Variants in RNASEH2B observed in about 807,000 individuals in gnomAD.
RNASEH2B encodes the protein Aicardi-Goutieres syndrome 2 protein.
A neutral mutation model predicts 45.0 loss-of-function variants in RNASEH2B; 36 were observed. The ratio of observed to expected loss-of-function variants is 0.80; its 90% CI spans 0.61 to 1.06. The LOEUF is 1.06. Among genes scored for constraint, RNASEH2B ranks in the 50% least tolerant of loss-of-function variants. RNASEH2B has a pLI of 0.00. For synonymous variants in RNASEH2B, 119 were observed against 125.7 expected, an observed-to-expected ratio of 0.95 and a Z score of 0.35; for missense variants, 361 against 360.3, an observed-to-expected ratio of 1.00 and a Z score of -0.02.
At chr13:50,968,184 G>A (rs182417645) in intron 9 of RNASEH2B, among the ~76,000 whole-genome samples, 36 of 152,198 alleles carry the variant, frequency 2.4e-4, no homozygotes, top group African/African-American at 8.7e-4. Context: ...GGGAAGCTGA[G>A]GCCAGAAGTT....
At chr13:50,929,112 C>T (rs376897488) in intron 2 of RNASEH2B, among the ~76,000 whole-genome samples, 1 of 152,144 alleles carries the variant, frequency 6.6e-6, no homozygotes, top group Admixed American at 6.5e-5. Flanking sequence ...TGCCCAGAGG[C>T]AGGGACCCAC....
chr13:50,949,463 G>A lies in RNASEH2B; in HGVS notation c.699G>A (p.Lys233=), dbSNP rs768783637. Residue 233 remains lysine, a splice_region_variant and synonymous_variant, in exon 9 of 11, where the codon AAG becomes AAA. Transcript: ENST00000336617. ...TGATTGTTATTTTTAACTTTCTTAG[G>A]CTTCCAGAACCTTCAGCCTCATTGC... The part of the protein sequence containing the change: ...ELSDDLSKYL[K]LPEPSASLPN... 4 of 1,613,136 alleles carry A rather than the reference G, an allele frequency of 2.5e-6. No homozygotes were observed. The highest frequency in any genetic ancestry group is 3.4e-6 in the Non-Finnish European group (4 of 1,179,406).
At chr13:50,936,772 T>A (rs1441792242) in intron 5 of RNASEH2B, 2 of 152,340 alleles carry the variant, frequency 1.3e-5, no homozygotes, top group East Asian at 3.9e-4. Context: ...AAATCCAGAT[T>A]TAGAAACAAT....
downstream of RNASEH2B, among the ~76,000 whole-genome samples, chr13:50,957,853 A>G (rs573575235): frequency 1.3e-5 from 2 of 152,132 alleles, no homozygotes; most frequent in Admixed American, 1.3e-4. Context: ...TGCTCTGATG[A>G]TTAGTGATGA....
At chr13:50,921,164 T>A (rs1951519025) in intron 1 of RNASEH2B, 1 of 152,212 alleles carries the variant, frequency 6.6e-6, no homozygotes, top group Non-Finnish European at 1.5e-5. Flanking sequence ...ATTATTATTA[T>A]ACCCATTTTA....
rs80188640 is a variant in RNASEH2B, at chr13:50,913,848, T to G, written c.64+3708T>G. ...CTTTTTATGTGAGGCATCGTGATAA[T>G]CACAAATGATTATACCAGAGCTATC... On this transcript the variant is annotated intron_variant, in intron 1 of 10. Transcript: ENST00000336617. 5.9e-5 allele frequency among the ~76,000 whole-genome samples: 9 copies of G among 152,270 alleles called. No homozygotes were observed. The East Asian group carries it at 1.7e-3, about 29-fold the overall frequency.
Position 50,934,926 on chromosome 13 carries a change from G to A in RNASEH2B, c.363G>A (p.Val121=). The change falls in exon 5 of 11, where the codon GTG becomes GTA. Residue 121 remains valine, a synonymous_variant. Transcript: ENST00000336617. ...TTGATCAAGTTGTGGTGGATAACGT[G>A]TTTCCAAATTGCATCTTGTTGCTGA... ...QPLDQVVVDN[V]FPNCILLLKL... is the part of the protein sequence containing the mutation. The A allele has an allele frequency of 6.2e-7, 1 of 1,614,008 alleles. No homozygotes were observed. The highest frequency in any genetic ancestry group is 8.5e-7 in the Non-Finnish European group (1 of 1,179,904).
At chr13:50,940,341 G>C (rs1026313191) in intron 5 of RNASEH2B, among the ~76,000 whole-genome samples, 1 of 152,154 alleles carries the variant, frequency 6.6e-6, no homozygotes. Context: ...CAAACTCCTC[G>C]ATTTGTACAT....
chr13:50,940,111 T>G (rs1951815442), intron 5 of RNASEH2B, among the ~76,000 whole-genome samples: 1 of 152,142 alleles, frequency 6.6e-6, no homozygotes, highest in Non-Finnish European at 1.5e-5. Context: ...TGCAACAAAA[T>G]GGATGAATCT....
chr13:50,968,246 A>G (rs1952185169), intron 9 of RNASEH2B, among the ~76,000 whole-genome samples: 1 of 152,132 alleles, frequency 6.6e-6, no homozygotes, highest in Non-Finnish European at 1.5e-5. Context: ...AAAAAAAATA[A>G]AAAATTAGCC....
chr13:50,962,646 A>AATCATTG, intron 9 of RNASEH2B, among the ~76,000 whole-genome samples: 1 of 152,320 alleles, frequency 6.6e-6, no homozygotes, highest in Admixed American at 6.5e-5. Flanking sequence ...CCTTTCAAAG[A>AATCATTG]ATCATTGTCT....
chr13:50,940,918 C>G (rs935684695), intron 5 of RNASEH2B: 1 of 152,182 alleles, frequency 6.6e-6, no homozygotes, highest in African/African-American at 2.4e-5. Context: ...AACATCAGAT[C>G]CACAGCTTTG....
chr13:50,930,870 AT>A, intron 4 of RNASEH2B, 111 bp downstream of exon 4: 1 of 855,650 alleles, frequency 1.2e-6, no homozygotes, highest in Non-Finnish European at 2.0e-6. Flanking sequence ...CTTCAGATCT[AT>A]TATAGTGACT....
downstream of RNASEH2B, chr13:50,959,695 C>T (rs1952091245): frequency 6.6e-6 from 1 of 152,252 alleles, no homozygotes; most frequent in Non-Finnish European, 1.5e-5. Context: ...TCAGGTGATC[C>T]ATCCGCCTTG....
At chr13:50,940,695 C>T (rs2441) in intron 5 of RNASEH2B, 31,488 of 151,974 alleles carry the variant, frequency 0.21, 4,273 homozygotes, top group Non-Finnish European at 0.3. Context: ...TTGGGCCTCC[C>T]GGTTAGTTTG....
At chr13:50,965,038 G>A (rs993145349) in intron 9 of RNASEH2B, among the ~76,000 whole-genome samples, 2 of 152,100 alleles carry the variant, frequency 1.3e-5, no homozygotes, top group Admixed American at 6.6e-5. Flanking sequence ...GTCATGCCCC[G>A]CACAGCAATG....
At chr13:50,942,571 A>G (rs1951845863) in intron 5 of RNASEH2B, 1 of 152,200 alleles carries the variant, frequency 6.6e-6, no homozygotes, top group South Asian at 2.1e-4. Context: ...AAAGTGGTTC[A>G]TTGAAAACAT....
At chr13:50,921,433 A>G (rs528486849) in intron 1 of RNASEH2B, 9 of 152,290 alleles carry the variant, frequency 5.9e-5, no homozygotes, top group African/African-American at 2.2e-4. Context: ...TAATTTAGCT[A>G]TTCTTCACCT....
chr13:50,939,567 A>T (rs1344036254), intron 5 of RNASEH2B, among the ~76,000 whole-genome samples: 1 of 152,166 alleles, frequency 6.6e-6, no homozygotes, highest in Admixed American at 6.5e-5. Context: ...TGTTGGTATA[A>T]GGATAAATAT....
Sources: allele counts gnomAD v4.1 joint callset (sites outside exome capture counted in the v4.1 genomes callset), GRCh38; gene constraint gnomAD v4.1.1; transcripts MANE v1.5; gene names NCBI Gene and HGNC (gene_info 2026-07-23, HGNC 2026-07-21).